SMG5: variants seen among roughly 807,000 people sequenced by gnomAD.
The protein encoded by SMG5 is SMG5 nonsense mediated mRNA decay factor.
In SMG5, 53 loss-of-function variants were observed where a neutral mutation model predicts 122.9. The observed-to-expected ratio is 0.43, with a 90% CI of 0.35 to 0.54. SMG5 has a LOEUF of 0.54. Among genes scored for constraint, SMG5 ranks in the 20% least tolerant of loss-of-function variants. The probability of loss-of-function intolerance (pLI) is 0.01; values close to 1 mark genes in which losing one functional copy is unlikely to be tolerated. For missense variants in SMG5, 1,153 were observed against 1,285.6 expected, an observed-to-expected ratio of 0.90 and a Z score of 1.58; for synonymous variants, 477 against 490.2, an observed-to-expected ratio of 0.97 and a Z score of 0.35.
chr1:156,268,468 C>T, intron 7 of SMG5, 53 bp from the exon 8 acceptor site: 1 of 1,601,666 alleles, frequency 6.2e-7, no homozygotes, highest in Non-Finnish European at 8.5e-7. Context: ...GGATATGTTA[C>T]TCTGCTGGGG....
chr1:156,266,800 TC>T (rs150095743), intron 10 of SMG5, 122 bp from the exon 11 acceptor site: 67 of 1,152,140 alleles, frequency 5.8e-5, no homozygotes, highest in Admixed American at 6.4e-5. Context: ...TATCAAAGAT[TC>T]TTTTTTTTTT....
At position 156,251,386 on chromosome 1, in the gene SMG5, G is replaced by A. The variant is rs576671784; in HGVS notation, c.2828+17C>T. ...GCAGGTGGCCTGAGGTTCTAGGGGT[G>A]AGGGCTAAAATGTTACCAGGCATCT... On this transcript the variant is annotated intron_variant, in intron 20 of 21. Transcript: ENST00000361813. 14 of 1,613,982 alleles carry A rather than the reference G, an allele frequency of 8.7e-6. No individual in the cohort carries two copies. In the South Asian group the frequency reaches 1.2e-4, roughly 14 times the overall value.
At chr1:156,279,093 C>A in intron 1 of SMG5, 59 bp from the exon 2 acceptor site, 1 of 1,383,212 alleles carries the variant, frequency 7.2e-7, no homozygotes, top group Non-Finnish European at 1.0e-6. Flanking sequence ...CAGAGGATGA[C>A]GCTGGGACAC....
At chr1:156,280,894 A>G (rs1662908083) in intron 1 of SMG5, among the ~76,000 whole-genome samples, 1 of 152,218 alleles carries the variant, frequency 6.6e-6, no homozygotes, top group Non-Finnish European at 1.5e-5. Context: ...GTTTTTAAAA[A>G]CAAATAACTA....
chr1:156,272,990 G>A (rs183580349), intron 6 of SMG5, among the ~76,000 whole-genome samples: 2 of 152,246 alleles, frequency 1.3e-5, no homozygotes, highest in East Asian at 3.9e-4. Flanking sequence ...ACTCCATGGA[G>A]CCCTCTCCTC....
intron 21 of SMG5, 23 bp from the exon 22 acceptor site, chr1:156,250,693 A>G (rs1172112326): frequency 6.2e-7 from 1 of 1,612,662 alleles, no homozygotes; most frequent in East Asian, 2.2e-5. Context: ...AGAAGGAAAG[A>G]TGGAGAGGGT....
At position 156,263,435 on chromosome 1, in the gene SMG5, C is replaced by A. The variant is rs1235987965; in HGVS notation, c.1991G>T (p.Trp664Leu). Residue 664 changes from tryptophan to leucine, a missense_variant, in exon 13 of 22, where the codon TGG becomes TTG. Physicochemically the swap from Trp to Leu is moderately conservative, Grantham distance 61. This residue lies in a region of SMG5 where 631 missense variants were observed against 650.6 expected (regional missense o/e 0.97). Transcript: ENST00000361813. ...LLPAVKVFLD[W>L]LRTNPDLIIV... Reference sequence around the variant, plus strand: ...GATGAGGTCGGGGTTGGTCCGAAGCCAGTCCAGGAAGACTTTCACAGCAGG... The same window carrying A: ...GATGAGGTCGGGGTTGGTCCGAAGCAAGTCCAGGAAGACTTTCACAGCAGG... 1 of 1,614,222 alleles carries A rather than the reference C, an allele frequency of 6.2e-7. No homozygotes were observed. Among genetic ancestry groups the A allele is most frequent in the South Asian group, 1.1e-5 (1 of 91,090 alleles).
At chr1:156,257,324 C>A (rs1224736587) in intron 16 of SMG5, among the ~76,000 whole-genome samples, 7 of 152,246 alleles carry the variant, frequency 4.6e-5, no homozygotes, top group Non-Finnish European at 4.4e-5. Flanking sequence ...AGGCTGTGCA[C>A]AGAGAAAACT....
At chr1:156,289,605 C>G in the SMG5 span, among the ~76,000 whole-genome samples, 15 of 152,122 alleles carry the variant, frequency 9.9e-5, no homozygotes, top group Admixed American at 9.8e-4. Flanking sequence ...GAGCGAGACT[C>G]TGTCTCAAAA....
At chr1:156,255,721 A>G (rs1295572249) in intron 16 of SMG5, among the ~76,000 whole-genome samples, 1 of 152,094 alleles carries the variant, frequency 6.6e-6, no homozygotes, top group Non-Finnish European at 1.5e-5. Flanking sequence ...TCACATTTCT[A>G]CAAAAAAAAG....
At chr1:156,280,402 C>G (rs1662885271) in intron 1 of SMG5, among the ~76,000 whole-genome samples, 1 of 152,224 alleles carries the variant, frequency 6.6e-6, no homozygotes, top group African/African-American at 2.4e-5. Flanking sequence ...ACTAAGCTGC[C>G]CTACACAGGG....
chr1:156,249,904 C>T lies in SMG5; in HGVS notation c.*683G>A, dbSNP rs757314679. On this transcript the variant is annotated 3_prime_UTR_variant, in exon 22 of 22. Transcript: ENST00000361813. ...TGGGGCCTGCTCCCTGCCCTGGAAG[C>T]TAGACAGAGGGAGACACAAAGCAGA... is the stretch of plus-strand genomic sequence containing the variant. 4.2e-6 allele frequency: 2 copies of T among 471,088 alleles called. No individual in the cohort carries two copies. Among genetic ancestry groups the T allele is most frequent in the Non-Finnish European group, 8.8e-6 (2 of 227,062 alleles). 29.2% of individuals were successfully genotyped at this position (471,088 alleles called of 1,614,324 possible). A position where few individuals can be genotyped will look rare whatever the true frequency, so the allele number is the denominator to read the frequency against.
chr1:156,252,695 T>A, intron 18 of SMG5, 191 bp from the exon 19 acceptor site: 5 of 745,560 alleles, frequency 6.7e-6, no homozygotes, highest in Non-Finnish European at 1.1e-5. Context: ...ATTTACCAAG[T>A]GCTTTCTCAT....
intron 18 of SMG5, 92 bp downstream of exon 18, chr1:156,252,827 A>G: frequency 7.4e-7 from 1 of 1,355,240 alleles, no homozygotes. Flanking sequence ...AGGTTACTGC[A>G]TATAAACTGG....
Position 156,264,457 on chromosome 1 carries a change from A to C in SMG5, c.1856-887T>G, listed in dbSNP as rs1344217237. On this transcript the variant is annotated intron_variant, in intron 12 of 21. Coordinates refer to ENST00000361813, the MANE Select transcript of SMG5 (RefSeq NM_015327.3). ...CTGTGTTAGGTACTAGGGATACAGC[A>C]ATAAGTAAGAAATATTCTGTCCTGC... Among the ~76,000 whole-genome samples the C allele has an allele frequency of 2.0e-5, 3 of 152,216 alleles. No homozygotes were observed. The East Asian group carries it at 5.8e-4, about 29-fold the overall frequency.
chr1:156,270,125 A>G (rs1172906304), intron 7 of SMG5, among the ~76,000 whole-genome samples: 1 of 152,222 alleles, frequency 6.6e-6, no homozygotes, highest in Non-Finnish European at 1.5e-5. Flanking sequence ...TAATTATAAA[A>G]AGTGAGGTAT....
chr1:156,285,992 G>A, upstream of SMG5: 1 of 1,592,636 alleles, frequency 6.3e-7, no homozygotes, highest in Non-Finnish European at 8.6e-7. Context: ...GGGTGAGCCT[G>A]TGAGAAGAAA....
At chr1:156,290,678 A>C in the SMG5 span, 1 of 152,064 alleles carries the variant, frequency 6.6e-6, no homozygotes, top group Admixed American at 6.6e-5. Flanking sequence ...AAATACAAAA[A>C]AATAGCCAGG....
upstream of SMG5, chr1:156,286,399 CG>C: frequency 6.2e-7 from 1 of 1,614,176 alleles, no homozygotes; most frequent in Non-Finnish European, 8.5e-7. Context: ...TCAACCTGGC[CG>C]TGCTTTCCAC....
Sources: allele counts gnomAD v4.1 joint callset (sites outside exome capture counted in the v4.1 genomes callset), GRCh38; gene constraint gnomAD v4.1.1; regional missense constraint gnomAD v4.1.1; transcripts MANE v1.5; gene names NCBI Gene and HGNC (gene_info 2026-07-23, HGNC 2026-07-21).